Variants in SHLD2 observed in about 807,000 individuals in gnomAD.
The protein encoded by SHLD2 is shieldin complex subunit 2.
A neutral mutation model predicts 73.2 loss-of-function variants in SHLD2; 30 were observed. The observed-to-expected ratio is 0.41, with a 90% CI of 0.31 to 0.56. SHLD2 has a LOEUF of 0.56. Among genes scored for constraint, SHLD2 ranks in the 20% least tolerant of loss-of-function variants. SHLD2 has a pLI of 0.28. For missense variants in SHLD2, 745 were observed against 1,055.9 expected (o/e 0.71, Z 4.08); for synonymous variants, 285 against 370.1 (o/e 0.77, Z 2.64).
At chr10:87,114,881 CAT>C (rs1203735307) in intron 2 of SHLD2, among the ~76,000 whole-genome samples, 3 of 152,116 alleles carry the variant, frequency 2.0e-5, no homozygotes, top group Non-Finnish European at 2.9e-5. Flanking sequence ...AGTAAGTAGT[CAT>C]GTGTGGCTCT....
chr10:87,128,344 C>T (rs1414001719), intron 2 of SHLD2, among the ~76,000 whole-genome samples: 1 of 152,164 alleles, frequency 6.6e-6, no homozygotes, highest in Non-Finnish European at 1.5e-5. Flanking sequence ...TCCAAATTTC[C>T]CATTTTCTTT....
intron 4 of SHLD2, among the ~76,000 whole-genome samples, chr10:87,168,231 T>C (rs576296007): frequency 2.0e-4 from 30 of 152,094 alleles, no homozygotes; most frequent in Non-Finnish European, 3.7e-4. Context: ...TCAACCTAGG[T>C]GGCCATCAGT....
At chr10:87,158,517 C>T (rs1249137325) in intron 4 of SHLD2, among the ~76,000 whole-genome samples, 7 of 151,954 alleles carry the variant, frequency 4.6e-5, no homozygotes, top group Admixed American at 2.6e-4. Context: ...AAGCATTCCA[C>T]GGACCTCTGA....
At chr10:87,142,757 C>CTTT (rs1268636900) in intron 2 of SHLD2, among the ~76,000 whole-genome samples, 16 of 142,176 alleles carry the variant, frequency 1.1e-4, no homozygotes, top group African/African-American at 4.3e-4. Context: ...TAGCAAAGTT[C>CTTT]TTTCTTTTTT....
At chr10:87,175,117 A>C (rs1257661298) in intron 6 of SHLD2, among the ~76,000 whole-genome samples, 6 of 5,978 alleles carry the variant, frequency 1.0e-3, no homozygotes, top group Non-Finnish European at 3.1e-3. Flanking sequence ...ACTCCATCTC[A>C]AAAAAAAAAA....
chr10:87,189,984 G>A (rs1447307970), intron 9 of SHLD2, among the ~76,000 whole-genome samples: 1 of 152,128 alleles, frequency 6.6e-6, no homozygotes, highest in African/African-American at 2.4e-5. Context: ...GTGTCAGGGG[G>A]ATCACATGCC....
At chr10:87,105,925 T>A (rs1842565213) in intron 2 of SHLD2, among the ~76,000 whole-genome samples, 1 of 152,236 alleles carries the variant, frequency 6.6e-6, no homozygotes, top group African/African-American at 2.4e-5. Context: ...AAGGAAGACT[T>A]ACTGGCACTT....
intron 2 of SHLD2, chr10:87,115,471 G>A (rs1363626259): frequency 3.9e-5 from 6 of 151,922 alleles, no homozygotes; most frequent in Non-Finnish European, 8.8e-5. Flanking sequence ...ATAGTGGAGT[G>A]GGTCAGTTCT....
Position 87,175,922 on chromosome 10 carries a change from A to G in SHLD2, c.1997A>G (p.Gln666Arg). Reference sequence around the variant, plus strand: ...TGGGAATTTAAATATCTTTTTGTTCAGTGCAATTACACACTAGAAAACCTA... The same window carrying G: ...TGGGAATTTAAATATCTTTTTGTTCGGTGCAATTACACACTAGAAAACCTA... ...YIWEFKYLFV[Q>R]CNYTLENLEL... Residue 666 changes from glutamine to arginine, a missense_variant, in exon 7 of 10, where the codon CAG becomes CGG. This residue lies in a region of SHLD2 where 418 missense variants were observed against 567.8 expected (regional missense o/e 0.74). Coordinates refer to ENST00000298786, the MANE Select transcript of SHLD2 (RefSeq NM_001330112.2). 6.4e-7 allele frequency: 1 copy of G among 1,550,526 alleles called. No individual in the cohort carries two copies. Among genetic ancestry groups the G allele is most frequent in the Middle Eastern group, 1.7e-4 (1 of 5,984 alleles).
intron 2 of SHLD2, among the ~76,000 whole-genome samples, chr10:87,135,660 ATTTT>A (rs71276300): frequency 7.5e-6 from 1 of 133,568 alleles, no homozygotes; most frequent in Non-Finnish European, 1.6e-5. Flanking sequence ...CACCTGGCTA[ATTTT>A]TTTTTTTTTT....
chr10:87,184,336 T>A (rs1240204080), intron 8 of SHLD2, among the ~76,000 whole-genome samples: 1 of 151,974 alleles, frequency 6.6e-6, no homozygotes, highest in Non-Finnish European at 1.5e-5. Context: ...GTTGACATTT[T>A]TCTCAGGACA....
intron 2 of SHLD2, among the ~76,000 whole-genome samples, chr10:87,131,213 G>A (rs1183349541): frequency 2.7e-5 from 4 of 148,974 alleles, no homozygotes; most frequent in Admixed American, 2.7e-4. Flanking sequence ...CTTTTTTGTT[G>A]TGGTAAAATA....
chr10:87,129,508 T>G (rs1449323321), intron 2 of SHLD2, among the ~76,000 whole-genome samples: 1 of 152,252 alleles, frequency 6.6e-6, no homozygotes, highest in African/African-American at 2.4e-5. Flanking sequence ...ATTGCATAGA[T>G]GCTGAATTAT....
intron 2 of SHLD2, 131 bp from the exon 3 acceptor site, chr10:87,151,219 A>G (rs1845989448): frequency 2.0e-6 from 1 of 502,590 alleles, no homozygotes. Context: ...TAAATGGCAT[A>G]TCAAAAAAAT....
At chr10:87,182,209 A>G (rs1160676374) in intron 8 of SHLD2, among the ~76,000 whole-genome samples, 2 of 152,260 alleles carry the variant, frequency 1.3e-5, no homozygotes, top group Non-Finnish European at 2.9e-5. Flanking sequence ...ACTGAATAAG[A>G]GAAAACTCTC....
chr10:87,176,035 A>G lies in SHLD2; in HGVS notation c.2110A>G (p.Ser704Gly), dbSNP rs901235363. The change falls in exon 7 of 10, where the codon AGT becomes GGT. Residue 704 changes from serine to glycine, a missense_variant. This residue lies in a region of SHLD2 where 418 missense variants were observed against 567.8 expected (regional missense o/e 0.74). Coordinates refer to ENST00000298786, the MANE Select transcript of SHLD2 (RefSeq NM_001330112.2). Reference sequence around the variant, plus strand: ...TACATTTAAAGCAAAATTTCAAAAAAGTGCACCCTCCTTTGTGAAGATATC... The same window carrying G: ...TACATTTAAAGCAAAATTTCAAAAAGGTGCACCCTCCTTTGTGAAGATATC... Reference protein sequence around the residue: ...AITFKAKFQKSAPSFVKISDL... With the variant: ...AITFKAKFQKGAPSFVKISDL... 6.5e-7 allele frequency: 1 copy of G among 1,548,546 alleles called. No individual in the cohort carries two copies. The highest frequency in any genetic ancestry group is 1.2e-5 in the South Asian group (1 of 83,960).
intron 9 of SHLD2, among the ~76,000 whole-genome samples, chr10:87,188,587 C>CATA (rs1462885470): frequency 3.9e-5 from 6 of 152,142 alleles, no homozygotes. Context: ...GCAGATGTTC[C>CATA]TTATGTTGCT....
At chr10:87,144,935 T>G (rs1314723325) in intron 2 of SHLD2, among the ~76,000 whole-genome samples, 1 of 112,824 alleles carries the variant, frequency 8.9e-6, no homozygotes, top group Non-Finnish European at 1.7e-5. Context: ...CGGCCTGTAA[T>G]TCTTTTTTTT....
intron 2 of SHLD2, among the ~76,000 whole-genome samples, chr10:87,142,570 AC>A (rs1438287690): frequency 1.3e-5 from 2 of 152,074 alleles, no homozygotes; most frequent in African/African-American, 4.8e-5. Context: ...AAGTGGTCAA[AC>A]CCTGAATGAA....
Sources: gnomAD v4.1 joint callset for allele counts (sites outside exome capture counted in the v4.1 genomes callset) on GRCh38, gnomAD v4.1.1 for gene constraint, gnomAD v4.1.1 regional missense constraint, MANE v1.5 for transcripts, NCBI Gene and HGNC (gene_info 2026-07-23, HGNC 2026-07-21) for gene names.